The following TP53BP1 variants were observed in gnomAD, a reference collection of about 807,000 sequenced individuals.
TP53BP1 encodes the protein TP53-binding protein 1.
In TP53BP1, 61 loss-of-function variants were observed where a neutral mutation model predicts 200.8. The observed-to-expected ratio is 0.30, with a 90% CI of 0.25 to 0.38. The LOEUF (loss-of-function observed/expected upper bound fraction) is 0.38, where lower values mean the gene tolerates loss of function less well. TP53BP1 is among the 10% of genes least tolerant of loss of function. TP53BP1 has a pLI of 1.00. For synonymous variants in TP53BP1, 822 were observed against 844.3 expected (o/e 0.97, Z 0.46); for missense variants, 2,144 against 2,371.9 (o/e 0.90, Z 2.00).
chr15:43,421,727 GA>G, intron 19 of TP53BP1, 127 bp downstream of exon 19: 1 of 1,294,058 alleles, frequency 7.7e-7, no homozygotes, highest in Non-Finnish European at 1.1e-6. Context: ...AAATAGTGAA[GA>G]GGGGTAGTTG....
At chr15:43,467,997 C>T (rs1277188005) in intron 11 of TP53BP1, among the ~76,000 whole-genome samples, 1 of 152,104 alleles carries the variant, frequency 6.6e-6, no homozygotes, top group African/African-American at 2.4e-5. Context: ...GCTGGCCATG[C>T]TGGTCTTGAA....
chr15:43,458,831 G>T (rs2046362214), intron 11 of TP53BP1, among the ~76,000 whole-genome samples: 1 of 151,808 alleles, frequency 6.6e-6, no homozygotes, highest in South Asian at 2.1e-4. Flanking sequence ...GATTAGCAAC[G>T]ATGTTGAACA....
chr15:43,488,339 T>C (rs1402587259), intron 4 of TP53BP1, among the ~76,000 whole-genome samples: 1 of 151,020 alleles, frequency 6.6e-6, no homozygotes, highest in Non-Finnish European at 1.5e-5. Flanking sequence ...ACAGACTGTA[T>C]GATCCCATTT....
chr15:43,476,931 A>G (rs2078891225), intron 8 of TP53BP1, among the ~76,000 whole-genome samples: 1 of 152,236 alleles, frequency 6.6e-6, no homozygotes, highest in Non-Finnish European at 1.5e-5. Flanking sequence ...TTAAGTTAGT[A>G]AACTGTTACC....
In TP53BP1 at chr15:43,415,783, G is replaced by A; in HGVS notation, c.4900C>T (p.Arg1634Trp). 6.2e-7 allele frequency: 1 copy of A among 1,614,010 alleles called. No individual in the cohort carries two copies. The highest frequency in any genetic ancestry group is 8.5e-7 in the Non-Finnish European group (1 of 1,179,970). The part of the protein sequence containing the change: ...LDNLVEGKRK[R>W]RSNVSSPATP... ...GCTGGGGAGCTGACGTTACTGCGCC[G>A]TTTCCGCTTCCCTTCCACCAAATTG... Residue 1634 changes from arginine to tryptophan, a missense_variant, in exon 23 of 28, where the codon CGG becomes TGG. Arg to Trp is a moderately radical substitution (Grantham distance 101). Around this residue, in one of 4 missense-constraint regions of TP53BP1, gnomAD observed 334 missense variants for 453.4 expected, o/e 0.74. Transcript: ENST00000382044.
Position 43,406,713 on chromosome 15 carries a change from A to AATC in TP53BP1, c.*669_*670insGAT, listed in dbSNP as rs1409492622. 7.3e-5 allele frequency: 31 copies of AATC among 427,402 alleles called. No homozygotes were observed. The highest frequency in any genetic ancestry group is 1.3e-4 in the Non-Finnish European group (29 of 217,070). The allele number at this position is 427,402 out of a possible 1,614,324, so 26.5% of individuals were successfully genotyped here. ...CTATTGTGACAATAATAATAATAATAATATTGGGTCTTTGACTAGAACGTG... is the reference window on the plus strand; with the variant it reads ...CTATTGTGACAATAATAATAATAATAATCATATTGGGTCTTTGACTAGAACGTG... On this transcript the variant is annotated 3_prime_UTR_variant, in exon 28 of 28. Transcript: ENST00000382044.
At chr15:43,480,405 G>A (rs966171600) in intron 5 of TP53BP1, among the ~76,000 whole-genome samples, 9 of 151,918 alleles carry the variant, frequency 5.9e-5, no homozygotes, top group Non-Finnish European at 1.0e-4. Flanking sequence ...CCAAGATTGC[G>A]CCACTGCACT....
intron 9 of TP53BP1, 52 bp from the exon 10 acceptor site, chr15:43,474,819 ATTTCTGTAT>A: frequency 7.6e-7 from 1 of 1,310,084 alleles, no homozygotes; most frequent in African/African-American, 1.5e-5. Flanking sequence ...ACAGTTTTGC[ATTTCTGTAT>A]TTGCTTTTAC....
chr15:43,454,280 T>C (rs1244566068), intron 12 of TP53BP1, among the ~76,000 whole-genome samples: 3 of 152,214 alleles, frequency 2.0e-5, no homozygotes, highest in African/African-American at 4.8e-5. Context: ...TGCCAAATAC[T>C]GTTTTTTCAT....
At position 43,432,456 on chromosome 15, in the gene TP53BP1, C is replaced by T; in HGVS notation, c.3413G>A (p.Ser1138Asn). The part of the protein sequence containing the change: ...DVLEDQKEGR[S>N]TNKENPSKAL... The stretch of plus-strand genomic sequence containing the variant: ...CTTACTAGGATTTTCCTTATTAGTA[C>T]TCCGTCCTTCTTTCTGGTCTTCTAG... The change falls in exon 17 of 28, where the codon AGT becomes AAT. Residue 1138 changes from serine (S) to asparagine (N), a missense_variant. Coordinates refer to ENST00000382044, the MANE Select transcript of TP53BP1 (RefSeq NM_001141980.3). 1 of 1,614,146 alleles carries T rather than the reference C, an allele frequency of 6.2e-7. No individual in the cohort carries two copies. Among genetic ancestry groups the T allele is most frequent in the Non-Finnish European group, 8.5e-7 (1 of 1,180,016 alleles).
At chr15:43,446,824 T>G (rs2046052477) in intron 13 of TP53BP1, 1 of 1,475,070 alleles carries the variant, frequency 6.8e-7, no homozygotes, top group Admixed American at 2.1e-5. Context: ...CAAAGGATGC[T>G]GCATGAGCCC....
Position 43,403,483 on chromosome 15 carries a change from C to T in TP53BP1, c.*3900G>A. On this transcript the variant is annotated 3_prime_UTR_variant, in exon 28 of 28. Coordinates refer to ENST00000382044, the MANE Select transcript of TP53BP1 (RefSeq NM_001141980.3). ...GGCTAAGAGAGTAATACTCGCTTAG[C>T]CAGGAAAGGATGCATTTGTTTTACG... is the stretch of plus-strand genomic sequence containing the variant. 1.9e-6 allele frequency: 1 copy of T among 530,554 alleles called. No individual in the cohort carries two copies. The highest frequency in any genetic ancestry group is 3.2e-5 in the East Asian group (1 of 31,106). 32.9% of individuals were successfully genotyped at this position (530,554 alleles called of 1,614,324 possible).
intron 10 of TP53BP1, among the ~76,000 whole-genome samples, chr15:43,472,328 T>C (rs2046746390): frequency 6.6e-6 from 1 of 152,244 alleles, no homozygotes; most frequent in South Asian, 2.1e-4. Flanking sequence ...AAAACTATTA[T>C]ACCATTACTT....
At chr15:43,447,903 A>C (rs2046080262) in intron 12 of TP53BP1, among the ~76,000 whole-genome samples, 1 of 152,244 alleles carries the variant, frequency 6.6e-6, no homozygotes, top group African/African-American at 2.4e-5. Context: ...GAGTTTGTTT[A>C]TAAGCCTTAA....
At chr15:43,463,941 A>G (rs183907775) in intron 11 of TP53BP1, among the ~76,000 whole-genome samples, 2 of 152,352 alleles carry the variant, frequency 1.3e-5, no homozygotes, top group Admixed American at 1.3e-4. Context: ...GCTTCCATTA[A>G]TAGACCTCTA....
chr15:43,468,092 T>C (rs1297191250), intron 11 of TP53BP1, among the ~76,000 whole-genome samples: 5 of 151,830 alleles, frequency 3.3e-5, no homozygotes, highest in Non-Finnish European at 5.9e-5. Context: ...GTCAGATTTA[T>C]AACTTTTTTT....
intron 12 of TP53BP1, among the ~76,000 whole-genome samples, chr15:43,447,967 A>G (rs2046081662): frequency 6.6e-6 from 1 of 152,194 alleles, no homozygotes; most frequent in Non-Finnish European, 1.5e-5. Flanking sequence ...ATAATGTACA[A>G]TCTAATCAAA....
rs189188470 is a variant in TP53BP1 at position 43,405,909 on chromosome 15, A to G, written c.*1474T>C. The G allele has an allele frequency of 2.7e-4, 41 of 152,120 alleles. No individual in the cohort carries two copies. Among genetic ancestry groups the G allele is most frequent in the Admixed American group, 2.6e-3 (40 of 15,238 alleles). 9.4% of individuals were successfully genotyped at this position (152,120 alleles called of 1,614,324 possible). The stretch of plus-strand genomic sequence containing the variant: ...ACAAAAATTAGCCAGGTGTGGTGGC[A>G]TGTGCCTGTAATCCCAGCTACTCAG... On this transcript the variant is annotated 3_prime_UTR_variant, in exon 28 of 28. Transcript: ENST00000382044.
In TP53BP1 at chr15:43,470,202, A is replaced by C. The variant is rs1435571733; in HGVS notation, c.1181-136T>G. 4 of 737,458 alleles carry C rather than the reference A, an allele frequency of 5.4e-6. No homozygotes were observed. In the East Asian group the frequency reaches 7.9e-5, roughly 15 times the overall value. The allele number at this position is 737,458 out of a possible 1,614,324, so 45.7% of individuals were successfully genotyped here. On this transcript the variant is annotated intron_variant, in intron 10 of 27. Coordinates refer to ENST00000382044, the MANE Select transcript of TP53BP1 (RefSeq NM_001141980.3). ...GTGACGTAATTTTTCAGAAAAGCTG[A>C]CAGAATAATAGTAGACTGGGTCCTA...
Sources: gnomAD v4.1 joint callset for allele counts (sites outside exome capture counted in the v4.1 genomes callset) on GRCh38, gnomAD v4.1.1 for gene constraint, gnomAD v4.1.1 regional missense constraint, MANE v1.5 for transcripts, NCBI Gene and HGNC (gene_info 2026-07-23, HGNC 2026-07-21) for gene names.